The following MTBP variants were observed in gnomAD, a reference collection of about 807,000 sequenced individuals.
MTBP encodes the protein mdm2-binding protein.
MTBP carries 101 observed loss-of-function variants against 117.0 expected under a neutral mutation model. That is an observed-to-expected ratio of 0.86 (90% CI 0.73 to 1.02). The LOEUF is 1.02. MTBP is among the 50% of genes least tolerant of loss of function. The probability of loss-of-function intolerance (pLI) is 0.00; values close to 1 mark genes in which losing one functional copy is unlikely to be tolerated. For synonymous variants in MTBP, 350 were observed against 351.5 expected, an observed-to-expected ratio of 1.00 and a Z score of 0.05; for missense variants, 970 against 1,030.9, an observed-to-expected ratio of 0.94 and a Z score of 0.81.
intron 16 of MTBP, among the ~76,000 whole-genome samples, chr8:120,508,534 T>A (rs896292660): frequency 3.9e-5 from 6 of 152,224 alleles, no homozygotes; most frequent in Non-Finnish European, 8.8e-5. Context: ...TGCATTTGAA[T>A]ATAATGTCTG....
chr8:120,488,180 G>C lies in MTBP; in HGVS notation c.1187G>C (p.Gly396Ala). ...TTAGTTCCAGATGTTGAAGTGAAAG[G>C]AGAGTGTTCTAGCTATTATCTCTTG... ...TISVPDVEVK[G>A]ECSSYYLLLQ... The change falls in exon 12 of 22, where the codon GGA (glycine) becomes GCA (alanine). Residue 396 changes from glycine to alanine, a missense_variant. By Grantham distance (60) the Gly-to-Ala change is moderately conservative. Coordinates refer to ENST00000305949, the MANE Select transcript of MTBP (RefSeq NM_022045.5). 1 of 1,581,936 alleles carries C rather than the reference G, an allele frequency of 6.3e-7. No homozygotes were observed. The highest frequency in any genetic ancestry group is 8.6e-7 in the Non-Finnish European group (1 of 1,169,220).
In MTBP at chr8:120,462,234, G is replaced by A. The variant is rs1029164522; in HGVS notation, c.977+979G>A. Among the ~76,000 whole-genome samples the A allele has an allele frequency of 4.6e-5, 7 of 152,308 alleles. No homozygotes were observed. The South Asian group carries it at 8.3e-4, about 18-fold the overall frequency. On this transcript the variant is annotated intron_variant, in intron 9 of 21. Coordinates refer to ENST00000305949, the MANE Select transcript of MTBP (RefSeq NM_022045.5). ...GAAAAGTAAATTTTAGATCATGCTGGTAGGATTTTGGAAACCTGAGCAAAG... is the reference window on the plus strand; with the variant it reads ...GAAAAGTAAATTTTAGATCATGCTGATAGGATTTTGGAAACCTGAGCAAAG...
chr8:120,504,739 A>G (rs922142534), intron 15 of MTBP, among the ~76,000 whole-genome samples: 5 of 151,662 alleles, frequency 3.3e-5, no homozygotes, highest in African/African-American at 1.2e-4. Flanking sequence ...TGAAATACCT[A>G]TTTTAATTAA....
intron 9 of MTBP, among the ~76,000 whole-genome samples, chr8:120,461,683 A>AGT (rs1341279791): frequency 6.6e-6 from 1 of 152,160 alleles, no homozygotes; most frequent in Admixed American, 6.6e-5. Context: ...CCCACTGCCC[A>AGT]GACACCACCA....
chr8:120,450,923 C>A, intron 2 of MTBP, 80 bp from the exon 3 acceptor site: 1 of 926,914 alleles, frequency 1.1e-6, no homozygotes. Flanking sequence ...AAGTTATGGT[C>A]TGTAAGTACG....
chr8:120,489,603 A>G (rs535901382), intron 12 of MTBP, among the ~76,000 whole-genome samples: 1 of 152,338 alleles, frequency 6.6e-6, no homozygotes, highest in Non-Finnish European at 1.5e-5. Context: ...TAGGTCCACC[A>G]TGTACTGGTT....
intron 11 of MTBP, among the ~76,000 whole-genome samples, chr8:120,475,030 T>G (rs1300325188): frequency 6.6e-6 from 1 of 151,176 alleles, no homozygotes; most frequent in East Asian, 1.9e-4. Context: ...TATTAGGCAC[T>G]GTTTTACATG....
chr8:120,515,896 A>G, intron 17 of MTBP, 29 bp from the exon 18 acceptor site: 1 of 1,601,152 alleles, frequency 6.2e-7, no homozygotes, highest in Non-Finnish European at 8.5e-7. Context: ...ATGGAGGTTT[A>G]CATTTTAATG....
chr8:120,521,643 A>G (rs1756434339), intron 20 of MTBP, among the ~76,000 whole-genome samples: 1 of 152,196 alleles, frequency 6.6e-6, no homozygotes, highest in Non-Finnish European at 1.5e-5. Flanking sequence ...TTGGAAGTAC[A>G]ACAGATAACT....
Position 120,510,019 on chromosome 8 carries a change from C to T in MTBP, c.1969C>T (p.His657Tyr). The stretch of plus-strand genomic sequence containing the variant: ...TGAGAAAGCCTCAGTATGTCATTAT[C>T]ATGGAATTGAGTAAGTTTTTATTTG... ...PFEKASVCHY[H>Y]GIEYCLDDRK... Residue 657 changes from histidine to tyrosine, a missense_variant, in exon 17 of 22, where the codon CAT becomes TAT. By Grantham distance (83) the His-to-Tyr change is moderately conservative (BLOSUM62 2). Transcript: ENST00000305949. 6.2e-7 allele frequency: 1 copy of T among 1,607,676 alleles called. No individual in the cohort carries two copies. Among genetic ancestry groups the T allele is most frequent in the Non-Finnish European group, 8.5e-7 (1 of 1,175,332 alleles).
At position 120,523,498 on chromosome 8, in the gene MTBP, T is replaced by C; in HGVS notation, c.*162T>C. Reference sequence around the variant, plus strand: ...GAATATATATTCTATATTTGTATAGTTTGAGGGATGCTATGTTAATGTATT... The same window carrying C: ...GAATATATATTCTATATTTGTATAGCTTGAGGGATGCTATGTTAATGTATT... On this transcript the variant is annotated 3_prime_UTR_variant, in exon 22 of 22. Transcript: ENST00000305949. The C allele has an allele frequency of 2.6e-6, 1 of 382,888 alleles. No homozygotes were observed. Among genetic ancestry groups the C allele is most frequent in the East Asian group, 4.0e-5 (1 of 25,020 alleles). The allele number at this position is 382,888 out of a possible 1,614,324, so 23.7% of individuals were successfully genotyped here. A position where few individuals can be genotyped will look rare whatever the true frequency, so the allele number is the denominator to read the frequency against.
intron 13 of MTBP, among the ~76,000 whole-genome samples, chr8:120,491,914 T>TATGACAGCTA (rs1814355043): frequency 6.6e-6 from 1 of 152,090 alleles, no homozygotes; most frequent in African/African-American, 2.4e-5. Flanking sequence ...GGAAGGGAAA[T>TATGACAGCTA]ATGACAGCTA....
rs183105676 is a variant in MTBP at position 120,497,875 on chromosome 8, T to C, written c.1609+321T>C. Among the ~76,000 whole-genome samples, 284 of 152,322 alleles carry C rather than the reference T, an allele frequency of 1.9e-3. 4 individuals carry two copies. The South Asian group carries it at 0.022, about 12-fold the overall frequency. The stretch of plus-strand genomic sequence containing the variant: ...TGAAATGTGTGAATTTCTATTAAGC[T>C]ACATTTCCATAAAGTGTGGAAAGCA... On this transcript the variant is annotated intron_variant, in intron 14 of 21. Transcript: ENST00000305949.
rs1814910464 is a variant in MTBP, at chr8:120,516,000, T to C, written c.2055T>C (p.Tyr685=). ...AACTTCAGTCTCGTCTTATTCGTTA[T>C]GAAACTCAAACTACCTGCACCAGAG... ...FSELQSRLIR[Y]ETQTTCTRES... Residue 685 remains tyrosine (Y), a synonymous_variant, in exon 18 of 22, where the codon TAT becomes TAC. Transcript: ENST00000305949. 1 of 1,613,088 alleles carries C rather than the reference T, an allele frequency of 6.2e-7. No homozygotes were observed. The highest frequency in any genetic ancestry group is 8.5e-7 in the Non-Finnish European group (1 of 1,179,240).
chr8:120,479,915 G>A (rs1334871864), intron 11 of MTBP, among the ~76,000 whole-genome samples: 1 of 152,100 alleles, frequency 6.6e-6, no homozygotes, highest in Non-Finnish European at 1.5e-5. Context: ...ATCAACCTCA[G>A]TAAGCAAGAA....
At chr8:120,478,403 G>GA (rs894161824) in intron 11 of MTBP, among the ~76,000 whole-genome samples, 149 of 143,120 alleles carry the variant, frequency 1.0e-3, no homozygotes, top group African/African-American at 2.1e-3. Context: ...GTATAATAAA[G>GA]AAAAAAAAAA....
intron 7 of MTBP, among the ~76,000 whole-genome samples, chr8:120,458,904 G>A (rs892306109): frequency 3.4e-5 from 5 of 149,060 alleles, no homozygotes; most frequent in Non-Finnish European, 7.4e-5. Context: ...ATAACTTACA[G>A]ACTGGTAGGA....
intron 14 of MTBP, among the ~76,000 whole-genome samples, chr8:120,501,310 G>A (rs551984758): frequency 5.3e-5 from 8 of 151,740 alleles, no homozygotes; most frequent in African/African-American, 9.7e-5. Context: ...TGCAGTGAGC[G>A]GAGATTGGGC....
chr8:120,472,688 T>C (rs1218506208), intron 11 of MTBP: 1 of 152,144 alleles, frequency 6.6e-6, no homozygotes, highest in Non-Finnish European at 1.5e-5. Flanking sequence ...GACAAACATA[T>C]AGAACTTGAA....
Sources: allele counts gnomAD v4.1 joint callset (sites outside exome capture counted in the v4.1 genomes callset), GRCh38; gene constraint gnomAD v4.1.1; transcripts MANE v1.5; gene names NCBI Gene and HGNC (gene_info 2026-07-23, HGNC 2026-07-21).